EEF1A1: variants seen among roughly 807,000 people sequenced by gnomAD.
EEF1A1 encodes the protein eukaryotic translation elongation factor 1 alpha 1.
A neutral mutation model predicts 38.5 loss-of-function variants in EEF1A1; 1 was observed. The ratio of observed to expected loss-of-function variants is 0.03; its 90% CI spans 0.01 to 0.12. EEF1A1 has a LOEUF of 0.12. Among genes scored for constraint, EEF1A1 ranks in the 10% least tolerant of loss-of-function variants. The pLI is 1.00. For missense variants in EEF1A1, 184 were observed against 588.3 expected (o/e 0.31, Z 7.11); for synonymous variants, 229 against 203.7 (o/e 1.12, Z -1.06).
In EEF1A1 at chr6:73,516,583, T is replaced by C. The variant is rs1414567565; in HGVS notation, c.*1227A>G. 6.6e-6 allele frequency: 1 copy of C among 152,048 alleles called. No homozygotes were observed. The highest frequency in any genetic ancestry group is 1.5e-5 in the Non-Finnish European group (1 of 68,020). The allele number at this position is 152,048 out of a possible 1,614,324, so 9.4% of individuals were successfully genotyped here. On this transcript the variant is annotated 3_prime_UTR_variant, in exon 8 of 8. Transcript: ENST00000309268. ...TCTAGCCTGGGCAACAAGAACTCCA[T>C]CTTAAAAAAAATTTTTAAAAACCAT...
Position 73,518,115 on chromosome 6 carries a change from G to A in EEF1A1, c.1179C>T (p.Phe393=), listed in dbSNP as rs1264589123. ...SGKKLEDGPK[F]LKSGDAAIVD... ...CAATGGCAGCATCACCAGACTTCAA[G>A]AATTTAGGGCCATCTTCCAGCTTTT... The change falls in exon 7 of 8, where the codon TTC becomes TTT. Residue 393 remains phenylalanine (F), a synonymous_variant. Transcript: ENST00000309268. 3.1e-6 allele frequency: 5 copies of A among 1,605,772 alleles called. No individual in the cohort carries two copies. The highest frequency in any genetic ancestry group is 4.1e-4 in the Middle Eastern group (2 of 4,908).
intron 1 of EEF1A1, 182 bp from the exon 2 acceptor site, chr6:73,520,238 GACGACGT>G: frequency 1.8e-6 from 1 of 544,676 alleles, no homozygotes; most frequent in Non-Finnish European, 3.1e-6. Flanking sequence ...CCAACCTAAA[GACGACGT>G]ACTCCAAAAG....
chr6:73,518,663 C>CAA (rs1302750613), intron 5 of EEF1A1, 35 bp downstream of exon 5: 1 of 1,612,942 alleles, frequency 6.2e-7, no homozygotes, highest in Non-Finnish European at 8.5e-7. Context: ...AGTACTCTAT[C>CAA]AACTCAAATT....
intron 6 of EEF1A1, 29 bp downstream of exon 6, chr6:73,518,325 A>G (rs769822046): frequency 6.2e-7 from 1 of 1,612,006 alleles, no homozygotes; most frequent in South Asian, 1.1e-5. Context: ...TAGCCTCTGC[A>G]ATAAGTTAAT....
rs1765586520 is a variant in EEF1A1, at chr6:73,518,843, A to T, written c.627T>A (p.Pro209=). 6.2e-7 allele frequency: 1 copy of T among 1,613,514 alleles called. No individual in the cohort carries two copies. Among genetic ancestry groups the T allele is most frequent in the African/African-American group, 1.3e-5 (1 of 75,036 alleles). Reference sequence around the variant, plus strand: ...GGGTGACTTTCCATCCCTTGAACCAAGGCATCTGAAACACAAGCATGCCAA... The same window carrying T: ...GGGTGACTTTCCATCCCTTGAACCATGGCATCTGAAACACAAGCATGCCAA... The part of the protein sequence containing the change: ...DNMLEPSANM[P]WFKGWKVTRK... Residue 209 remains proline, a synonymous_variant, in exon 5 of 8, where the codon CCT becomes CCA. Coordinates refer to ENST00000309268, the MANE Select transcript of EEF1A1 (RefSeq NM_001402.6).
Position 73,517,219 on chromosome 6 carries a change from T to G in EEF1A1, c.*591A>C, listed in dbSNP as rs147292801. The G allele has an allele frequency of 1.3e-5, 2 of 152,296 alleles. No individual in the cohort carries two copies. The highest frequency in any genetic ancestry group is 2.9e-5 in the Non-Finnish European group (2 of 68,098). 9.4% of individuals were successfully genotyped at this position (152,296 alleles called of 1,614,324 possible). A position where few individuals can be genotyped will look rare whatever the true frequency, so the allele number is the denominator to read the frequency against. ...TTGTTTCCAAAGATTCACTTAACAT[T>G]GGTTTAGCAACATGAAGCTTTCTAT... On this transcript the variant is annotated 3_prime_UTR_variant, in exon 8 of 8. Transcript: ENST00000309268.
In EEF1A1 at chr6:73,516,866, A is replaced by G. The variant is rs1765529630; in HGVS notation, c.*944T>C. ...GTAGTTTCATTCCTAGTGACCAAGT[A>G]GACAAACTGCTAATTATCAAAGCAT... is the stretch of plus-strand genomic sequence containing the variant. On this transcript the variant is annotated 3_prime_UTR_variant, in exon 8 of 8. Coordinates refer to ENST00000309268, the MANE Select transcript of EEF1A1 (RefSeq NM_001402.6). The G allele has an allele frequency of 6.6e-6, 1 of 152,222 alleles. No individual in the cohort carries two copies. The highest frequency in any genetic ancestry group is 6.5e-5 in the Admixed American group (1 of 15,284). 9.4% of individuals were successfully genotyped at this position (152,222 alleles called of 1,614,324 possible).
In EEF1A1 at chr6:73,516,276, C is replaced by T. The variant is rs544515226; in HGVS notation, c.*1534G>A. 6 of 152,260 alleles carry T rather than the reference C, an allele frequency of 3.9e-5. No individual in the cohort carries two copies. Among genetic ancestry groups the T allele is most frequent in the Non-Finnish European group, 7.3e-5 (5 of 68,030 alleles). The allele number at this position is 152,260 out of a possible 1,614,324, so 9.4% of individuals were successfully genotyped here. A position where few individuals can be genotyped will look rare whatever the true frequency, so the allele number is the denominator to read the frequency against. ...CACATTGCCAGTCACTTTAAGAGGC[C>T]TTATCTCTTGGGCTGCTTTAACTCC... On this transcript the variant is annotated 3_prime_UTR_variant, in exon 8 of 8. Transcript: ENST00000309268.
chr6:73,520,124 A>G lies in EEF1A1; in HGVS notation c.-30-68T>C, dbSNP rs550631790. 26 of 1,441,602 alleles carry G rather than the reference A, an allele frequency of 1.8e-5. No individual in the cohort carries two copies. In the East Asian group the frequency reaches 4.8e-4, roughly 27 times the overall value. The allele number at this position is 1,441,602 out of a possible 1,614,324, so 89.3% of individuals were successfully genotyped here. The stretch of plus-strand genomic sequence containing the variant: ...GAGAATGAACCAAGATCCAAACTCA[A>G]AAAGGGCAAATTCCAAGGAGAATTA... On this transcript the variant is annotated intron_variant, in intron 1 of 7. Transcript: ENST00000309268.
chr6:73,520,436 G>C (rs1054130070), intron 1 of EEF1A1: 1 of 162,074 alleles, frequency 6.2e-6, no homozygotes, highest in African/African-American at 2.4e-5. Flanking sequence ...CCATCTTTCC[G>C]CTCACGCAAC....
Position 73,519,854 on chromosome 6 carries a change from G to A in EEF1A1, c.144+29C>T, listed in dbSNP as rs768629175. 8.7e-6 allele frequency: 14 copies of A among 1,611,232 alleles called. No homozygotes were observed. In the East Asian group the frequency reaches 2.7e-4, roughly 31 times the overall value. On this transcript the variant is annotated intron_variant, in intron 2 of 7. Coordinates refer to ENST00000309268, the MANE Select transcript of EEF1A1 (RefSeq NM_001402.6). ...TCTGCTGGTAAAACTCATTTTAGTT[G>A]ATCTTTCCCTTTCTGGTATTAAACA...
In EEF1A1 at chr6:73,518,793, G is replaced by A; in HGVS notation, c.677C>T (p.Thr226Ile). Residue 226 changes from threonine to isoleucine, a missense_variant, in exon 5 of 8, where the codon ACC (threonine) becomes ATC (isoleucine). Coordinates refer to ENST00000309268, the MANE Select transcript of EEF1A1 (RefSeq NM_001402.6). ...GCAGTCCAGAGCCTCAAGCAGCGTGGTTCCACTGGCATTGCCATCCTTACG... is the reference window on the plus strand; with the variant it reads ...GCAGTCCAGAGCCTCAAGCAGCGTGATTCCACTGGCATTGCCATCCTTACG... ...VTRKDGNASG[T>I]TLLEALDCIL... The A allele has an allele frequency of 6.2e-7, 1 of 1,614,198 alleles. No individual in the cohort carries two copies. Among genetic ancestry groups the A allele is most frequent in the Non-Finnish European group, 8.5e-7 (1 of 1,180,042 alleles).
In EEF1A1 at chr6:73,518,561, G is replaced by C. The variant is rs545025904; in HGVS notation, c.822C>G (p.Pro274=). 1.2e-6 allele frequency: 2 copies of C among 1,610,562 alleles called. No homozygotes were observed. ...CTGGAGCAAAGGTGACCACCATACC[G>C]GGTTTGAGAACACCAGTCTCCACTC... ...VGRVETGVLK[P]GMVVTFAPVN... The change falls in exon 6 of 8, where the codon CCC becomes CCG. Residue 274 remains proline (P), a synonymous_variant. Coordinates refer to ENST00000309268, the MANE Select transcript of EEF1A1 (RefSeq NM_001402.6).
Position 73,520,044 on chromosome 6 carries a change from G to A in EEF1A1, c.-18C>T. 5 of 1,586,750 alleles carry A rather than the reference G, an allele frequency of 3.2e-6. No individual in the cohort carries two copies. The highest frequency in any genetic ancestry group is 4.3e-6 in the Non-Finnish European group (5 of 1,176,256). ...TTTCCCATTTTGGCTTTTAGGGGTA[G>A]TTTTCACGACACCTGAAATGGAAGA... On this transcript the variant is annotated 5_prime_UTR_variant, in exon 2 of 8. Coordinates refer to ENST00000309268, the MANE Select transcript of EEF1A1 (RefSeq NM_001402.6).
Position 73,519,407 on chromosome 6 carries a change from T to A in EEF1A1, c.254A>T (p.Tyr85Phe). The A allele has an allele frequency of 6.2e-7, 1 of 1,609,648 alleles. No individual in the cohort carries two copies. The highest frequency in any genetic ancestry group is 8.5e-7 in the Non-Finnish European group (1 of 1,179,770). Residue 85 changes from tyrosine to phenylalanine, a missense_variant, in exon 3 of 8, where the codon TAC (tyrosine) becomes TTC (phenylalanine). Physicochemically the swap from Tyr to Phe is conservative, Grantham distance 22. Around this residue, in one of 3 missense-constraint regions of EEF1A1, gnomAD observed 57 missense variants for 228.1 expected, o/e 0.25. Transcript: ENST00000309268. ...TGGGGCATCAATGATAGTCACATAGTACTTGCTGGTCTCAAATTTCCACAA... is the reference window on the plus strand; with the variant it reads ...TGGGGCATCAATGATAGTCACATAGAACTTGCTGGTCTCAAATTTCCACAA... ...ISLWKFETSKYYVTIIDAPGH... is the reference protein window; with the variant it reads ...ISLWKFETSKFYVTIIDAPGH...
Position 73,518,960 on chromosome 6 carries a change from C to T in EEF1A1, c.593G>A (p.Gly198Asp). The stretch of plus-strand genomic sequence containing the variant: ...AGCACTTGGCTCCAGCATGTTGTCA[C>T]CATTCCAACCAGAAATTGGCACAAA... ...VAFVPISGWN[G>D]DNMLEPSANM... Residue 198 changes from glycine to aspartate, a missense_variant, in exon 4 of 8, where the codon GGT becomes GAT. Coordinates refer to ENST00000309268, the MANE Select transcript of EEF1A1 (RefSeq NM_001402.6). 1 of 1,611,178 alleles carries T rather than the reference C, an allele frequency of 6.2e-7. No individual in the cohort carries two copies. Among genetic ancestry groups the T allele is most frequent in the East Asian group, 2.2e-5 (1 of 44,848 alleles).
In EEF1A1 at chr6:73,519,374, C is replaced by T; in HGVS notation, c.287G>A (p.Arg96Lys). 2 of 1,612,574 alleles carry T rather than the reference C, an allele frequency of 1.2e-6. No homozygotes were observed. Among genetic ancestry groups the T allele is most frequent in the Non-Finnish European group, 1.7e-6 (2 of 1,179,542 alleles). ...YVTIIDAPGH[R>K]DFIKNMITGT... The stretch of plus-strand genomic sequence containing the variant: ...TGTAATCATGTTTTTGATAAAGTCT[C>T]TGTGTCCTGGGGCATCAATGATAGT... The change falls in exon 3 of 8, where the codon AGA (arginine) becomes AAA (lysine). Residue 96 changes from arginine (R) to lysine (K), a missense_variant. Arg to Lys is a conservative substitution (Grantham distance 26). This residue lies in a region of EEF1A1 where 57 missense variants were observed against 228.1 expected (regional missense o/e 0.25). Transcript: ENST00000309268.
In EEF1A1 at chr6:73,516,674, TTA is replaced by T. The variant is rs1380889667; in HGVS notation, c.*1134_*1135del. 6.6e-6 allele frequency: 1 copy of T among 151,856 alleles called. No individual in the cohort carries two copies. Among genetic ancestry groups the T allele is most frequent in the African/African-American group, 2.4e-5 (1 of 41,324 alleles). 9.4% of individuals were successfully genotyped at this position (151,856 alleles called of 1,614,324 possible). On this transcript the variant is annotated 3_prime_UTR_variant, in exon 8 of 8. Coordinates refer to ENST00000309268, the MANE Select transcript of EEF1A1 (RefSeq NM_001402.6). Reference sequence around the variant, plus strand: ...TCAAACTTAAGCAAAAATTTTCCTTTTATAACCAAAAAAAAACCTTTAGACAC... The same window carrying T: ...TCAAACTTAAGCAAAAATTTTCCTTTTAACCAAAAAAAAACCTTTAGACAC...
At chr6:73,518,646 G>A (rs1332201941) in intron 5 of EEF1A1, 36 bp from the exon 6 acceptor site, 5 of 1,612,790 alleles carry the variant, frequency 3.1e-6, no homozygotes, top group Non-Finnish European at 4.2e-6. Flanking sequence ...TACCTATGAA[G>A]GCAGACAGTA....
Sources: gnomAD v4.1 joint callset for allele counts on GRCh38, gnomAD v4.1.1 for gene constraint, gnomAD v4.1.1 regional missense constraint, MANE v1.5 for transcripts, NCBI Gene and HGNC (gene_info 2026-07-23, HGNC 2026-07-21) for gene names.